SNAPC4: variants seen among roughly 807,000 people sequenced by gnomAD.
SNAPC4 encodes the protein snRNA-activating protein complex subunit 4.
Under a neutral mutation model 151.3 loss-of-function variants are expected in SNAPC4, and 127 were observed. That is an observed-to-expected ratio of 0.84 (90% CI 0.73 to 0.97). The LOEUF (loss-of-function observed/expected upper bound fraction) is 0.97, where lower values mean the gene tolerates loss of function less well. Ranked by LOEUF, SNAPC4 falls within the 50% of genes least tolerant of loss-of-function variation. The pLI is 0.00. For synonymous variants in SNAPC4, 1,002 were observed against 824.4 expected, an observed-to-expected ratio of 1.22 and a Z score of -3.69; for missense variants, 2,186 against 1,935.0, an observed-to-expected ratio of 1.13 and a Z score of -2.43.
rs549365532 is a variant in SNAPC4, at chr9:136,383,049, A to G, written c.1983+137T>C. 7.4e-6 allele frequency: 10 copies of G among 1,354,620 alleles called. No individual in the cohort carries two copies. The highest frequency in any genetic ancestry group is 6.4e-5 in the South Asian group (4 of 62,384). The allele number at this position is 1,354,620 out of a possible 1,614,324, so 83.9% of individuals were successfully genotyped here. Reference sequence around the variant, plus strand: ...CAGTCCCCCCGACGCACAGCTGTCCAGAGCTCAGCCAGAAGTAGCACGTTC... The same window carrying G: ...CAGTCCCCCCGACGCACAGCTGTCCGGAGCTCAGCCAGAAGTAGCACGTTC... On this transcript the variant is annotated intron_variant, in intron 16 of 23. Transcript: ENST00000684778. The surrounding 1 kb of genome is among the most constrained non-coding windows in gnomAD (Gnocchi z 4.2).
intron 19 of SNAPC4, among the ~76,000 whole-genome samples, 184 bp downstream of exon 19, chr9:136,381,138 A>C (rs1833674980): frequency 6.6e-6 from 1 of 152,206 alleles, no homozygotes; most frequent in Non-Finnish European, 1.5e-5. Flanking sequence ...GGGGCAGTGC[A>C]CACTGTAGCC....
intron 1 of SNAPC4, among the ~76,000 whole-genome samples, chr9:136,399,345 C>G (rs1309675322): frequency 6.6e-6 from 1 of 152,214 alleles, no homozygotes; most frequent in African/African-American, 2.4e-5. Flanking sequence ...CTTCACAAAG[C>G]CCCTTGTTTA....
At position 136,378,969 on chromosome 9, in the gene SNAPC4, G is replaced by C. The variant is rs1449452541; in HGVS notation, c.2858C>G (p.Ser953Cys). The C allele has an allele frequency of 6.2e-7, 1 of 1,608,816 alleles. No individual in the cohort carries two copies. The highest frequency in any genetic ancestry group is 8.5e-7 in the Non-Finnish European group (1 of 1,178,702). ...PGPTVLNVPL[S>C]GPGAPAAAKP... ...GGCTGCCGCGGGGGCCCCAGGCCCA[G>C]AGAGCGGTACATTTAAGACGGTGGG... Residue 953 changes from serine (S) to cysteine (C), a missense_variant, in exon 22 of 24, where the codon TCT (serine) becomes TGT (cysteine). Coordinates refer to ENST00000684778, the MANE Select transcript of SNAPC4 (RefSeq NM_003086.4).
In SNAPC4 at chr9:136,379,841, G is replaced by C. The variant is rs1833623918; in HGVS notation, c.2523C>G (p.Thr841=). The C allele has an allele frequency of 6.2e-7, 1 of 1,613,186 alleles. No homozygotes were observed. The highest frequency in any genetic ancestry group is 1.3e-5 in the African/African-American group (1 of 74,900). ...AGGGCAGAGAAGCAGAGTTACCTGG[G>C]GTGCTCTGGGCACTTGAGGATGCCT... The part of the protein sequence containing the change: ...LLQASSSAQS[T]PGHLFPNVPA... Residue 841 remains threonine (T), a synonymous_variant, in exon 21 of 24, where the codon ACC becomes ACG. Coordinates refer to ENST00000684778, the MANE Select transcript of SNAPC4 (RefSeq NM_003086.4).
At chr9:136,380,952 G>A in intron 19 of SNAPC4, 102 bp from the exon 20 acceptor site, 1 of 681,862 alleles carries the variant, frequency 1.5e-6, no homozygotes, top group Non-Finnish European at 2.6e-6. Context: ...GGCTGGGGCG[G>A]CTACCTTGAG....
Position 136,388,539 on chromosome 9 carries a change from G to A in SNAPC4, c.1028C>T (p.Ala343Val), listed in dbSNP as rs760886407. 5 of 1,614,112 alleles carry A rather than the reference G, an allele frequency of 3.1e-6. No homozygotes were observed. The highest frequency in any genetic ancestry group is 2.2e-5 in the East Asian group (1 of 44,878). Residue 343 changes from alanine (A) to valine (V), a missense_variant, in exon 11 of 24, where the codon GCT becomes GTT. Ala to Val is a moderately conservative substitution (Grantham distance 64, BLOSUM62 0). Coordinates refer to ENST00000684778, the MANE Select transcript of SNAPC4 (RefSeq NM_003086.4). ...CTCTGTCCACTCCTTGCGTTTCAGA[G>A]CTTTGTTGTGCTGCTGGAATTTCTG... is the stretch of plus-strand genomic sequence containing the variant. ...CLQKFQQHNK[A>V]LKRKEWTEEE...
At position 136,378,462 on chromosome 9, in the gene SNAPC4, G is replaced by C. The variant is rs1268328772; in HGVS notation, c.3365C>G (p.Ala1122Gly). Residue 1122 changes from alanine to glycine, a missense_variant, in exon 22 of 24, where the codon GCC becomes GGC. Coordinates refer to ENST00000684778, the MANE Select transcript of SNAPC4 (RefSeq NM_003086.4). Reference sequence around the variant, plus strand: ...CAACGCTGGGGCCCTGGGGCCCTGGGCCGCCCGAGTCTCAGTCAGGGGAGG... The same window carrying C: ...CAACGCTGGGGCCCTGGGGCCCTGGCCCGCCCGAGTCTCAGTCAGGGGAGG... The part of the protein sequence containing the change: ...LLPPLTETRA[A>G]QGPRAPALSS... The C allele has an allele frequency of 6.3e-7, 1 of 1,588,676 alleles. No individual in the cohort carries two copies. Among genetic ancestry groups the C allele is most frequent in the African/African-American group, 1.3e-5 (1 of 74,454 alleles).
At chr9:136,380,627 C>T (rs1334851083) in intron 20 of SNAPC4, 113 bp downstream of exon 20, 2 of 648,652 alleles carry the variant, frequency 3.1e-6, no homozygotes, top group East Asian at 5.5e-5. Context: ...CAGATGCCTC[C>T]CTGAGGGGCT....
In SNAPC4 at chr9:136,383,682, A is replaced by T; in HGVS notation, c.1501-14T>A. On this transcript the variant is annotated splice_polypyrimidine_tract_variant and intron_variant, in intron 15 of 23. Coordinates refer to ENST00000684778, the MANE Select transcript of SNAPC4 (RefSeq NM_003086.4). The surrounding 1 kb of genome is among the most constrained non-coding windows in gnomAD (Gnocchi z 4.2). ...ACCCTGCTTCTTCTGAGGGGAGGAA[A>T]GAGCTACTTAGAGGCCTTGGCAAGC... The T allele has an allele frequency of 6.3e-7, 1 of 1,586,820 alleles. No homozygotes were observed. Among genetic ancestry groups the T allele is most frequent in the East Asian group, 2.2e-5 (1 of 44,658 alleles).
rs747575931 is a variant in SNAPC4 at position 136,378,539 on chromosome 9, A to C, written c.3288T>G (p.Leu1096=). ...LPVPVPAVVS[L]PRPAGTPGPA... ...GGCCAGGGGTCCCTGCTGGCCTGGG[A>C]AGGCTCACCACAGCTGGTACAGGAA... Residue 1096 remains leucine (L), a synonymous_variant, in exon 22 of 24, where the codon CTT becomes CTG. Transcript: ENST00000684778. 3.8e-6 allele frequency: 6 copies of C among 1,592,672 alleles called. No individual in the cohort carries two copies. The highest frequency in any genetic ancestry group is 4.3e-6 in the Non-Finnish European group (5 of 1,174,610).
chr9:136,379,767 C>G (rs1805201616), intron 21 of SNAPC4, 70 bp downstream of exon 21: 1 of 1,442,912 alleles, frequency 6.9e-7, no homozygotes, highest in Non-Finnish European at 9.7e-7. Context: ...AAGCCAGGGC[C>G]AGGTTAGGCC....
Position 136,381,408 on chromosome 9 carries a change from G to A in SNAPC4, c.2318-16C>T, listed in dbSNP as rs1833686714. On this transcript the variant is annotated splice_polypyrimidine_tract_variant and intron_variant, in intron 18 of 23. Transcript: ENST00000684778. ...AGGCCATCCGCTGCGGGCACAGGGGGATAAGTGGAAAGCAGCCCCAGCTCC... is the reference window on the plus strand; with the variant it reads ...AGGCCATCCGCTGCGGGCACAGGGGAATAAGTGGAAAGCAGCCCCAGCTCC... 3 of 1,609,576 alleles carry A rather than the reference G, an allele frequency of 1.9e-6. No homozygotes were observed. The highest frequency in any genetic ancestry group is 2.2e-5 in the South Asian group (2 of 91,012).
rs1460041330 is a variant in SNAPC4, at chr9:136,375,668, GC to G, written c.*139del. The G allele has an allele frequency of 6.6e-6, 1 of 152,354 alleles. No individual in the cohort carries two copies. The highest frequency in any genetic ancestry group is 1.5e-5 in the Non-Finnish European group (1 of 68,102). The allele number at this position is 152,354 out of a possible 1,614,324, so 9.4% of individuals were successfully genotyped here. A position where few individuals can be genotyped will look rare whatever the true frequency, so the allele number is the denominator to read the frequency against. On this transcript the variant is annotated 3_prime_UTR_variant, in exon 24 of 24. Coordinates refer to ENST00000684778, the MANE Select transcript of SNAPC4 (RefSeq NM_003086.4). The stretch of plus-strand genomic sequence containing the variant: ...TCCATGCCACACAGTCAGTCGGCAG[GC>G]CCGCCTCTGTTCACTGCGGACCTGG...
At position 136,381,978 on chromosome 9, in the gene SNAPC4, G is replaced by A. The variant is rs34850728; in HGVS notation, c.2163C>T (p.His721=). The A allele has an allele frequency of 0.18, 288,848 of 1,610,770 alleles. 28,473 individuals are homozygous for A. The highest frequency in any genetic ancestry group is 0.28 in the South Asian group (25,578 of 90,904). The part of the protein sequence containing the change: ...VARSHVQWLR[H]RATQSGQRRW... Reference sequence around the variant, plus strand: ...GCCGCTGCCCACTCTGGGTGGCTCTGTGCCGTAGCCACTGCACATGGGATC... The same window carrying A: ...GCCGCTGCCCACTCTGGGTGGCTCTATGCCGTAGCCACTGCACATGGGATC... The change falls in exon 18 of 24, where the codon CAC becomes CAT. Residue 721 remains histidine (H), a synonymous_variant. Transcript: ENST00000684778.
chr9:136,391,710 T>C (rs534688343), intron 10 of SNAPC4, among the ~76,000 whole-genome samples: 234 of 152,346 alleles, frequency 1.5e-3, no homozygotes, highest in African/African-American at 5.0e-3. Context: ...CATGCACCGC[T>C]GCATGGGGAG....
chr9:136,378,674 G>T lies in SNAPC4; in HGVS notation c.3153C>A (p.Thr1051=). 1 of 1,504,472 alleles carries T rather than the reference G, an allele frequency of 6.6e-7. No homozygotes were observed. The highest frequency in any genetic ancestry group is 8.9e-7 in the Non-Finnish European group (1 of 1,128,084). 93.2% of individuals were successfully genotyped at this position (1,504,472 alleles called of 1,614,324 possible). ...GGCTGAGGGGCTGGACGGGCAGTGG[G>T]GTGGGGCTGGGGGCTGCGGGGAGAA... ...PPFLPAAPSP[T]PLPVQPLSLT... is the part of the protein sequence containing the mutation. Residue 1051 remains threonine (T), a synonymous_variant, in exon 22 of 24, where the codon ACC becomes ACA. Transcript: ENST00000684778.
rs894176573 is a variant in SNAPC4, at chr9:136,381,406, G to A, written c.2318-14C>T. ...TGAGGCCATCCGCTGCGGGCACAGG[G>A]GGATAAGTGGAAAGCAGCCCCAGCT... On this transcript the variant is annotated splice_polypyrimidine_tract_variant and intron_variant, in intron 18 of 23. Coordinates refer to ENST00000684778, the MANE Select transcript of SNAPC4 (RefSeq NM_003086.4). The A allele has an allele frequency of 6.2e-7, 1 of 1,610,170 alleles. No individual in the cohort carries two copies.
chr9:136,392,762 G>A lies in SNAPC4; in HGVS notation c.648C>T (p.His216=), dbSNP rs200887960. 2.4e-5 allele frequency: 39 copies of A among 1,613,468 alleles called. No individual in the cohort carries two copies. The African/African-American group carries it at 4.0e-4, about 17-fold the overall frequency. The part of the protein sequence containing the change: ...QPKLLKLEYL[H]QKQSKVSSEL... ...CACTGGAGACTTTGCTCTGCTTCTG[G>A]TGCAAGTACTCGAGCCTGCAAAGCA... The change falls in exon 8 of 24, where the codon CAC becomes CAT. Residue 216 remains histidine (H), a synonymous_variant. Coordinates refer to ENST00000684778, the MANE Select transcript of SNAPC4 (RefSeq NM_003086.4).
Position 136,383,542 on chromosome 9 carries a change from C to CGCTGCT in SNAPC4, c.1621_1626dup (p.Ser541_Ser542dup), listed in dbSNP as rs147271628. 7.7e-3 allele frequency: 12,195 copies of CGCTGCT among 1,590,764 alleles called. 51 individuals carry two copies. The highest frequency in any genetic ancestry group is 0.035 in the African/African-American group (2,620 of 74,440). Reference sequence around the variant, plus strand: ...TGCGCCTGCTCTGGCTCGTCCTCCTCGCTGCTGCTGCTGCTGCTGCTGCTG... The same window carrying CGCTGCT: ...TGCGCCTGCTCTGGCTCGTCCTCCTCGCTGCTGCTGCTGCTGCTGCTGCTGCTGCTG... On this transcript the variant is annotated inframe_insertion, in exon 16 of 24. Transcript: ENST00000684778. The surrounding 1 kb of genome is among the most constrained non-coding windows in gnomAD (Gnocchi z 4.2).
Sources: gnomAD v4.1 joint callset for allele counts (sites outside exome capture counted in the v4.1 genomes callset) on GRCh38, gnomAD v4.1.1 for gene constraint, Gnocchi (gnomAD v3.1) non-coding constraint, MANE v1.5 for transcripts, NCBI Gene and HGNC (gene_info 2026-07-23, HGNC 2026-07-21) for gene names.